Variants in ADAMTS19 observed in about 807,000 individuals in gnomAD.
ADAMTS19 encodes A disintegrin and metalloproteinase with thrombospondin motifs 19.
A neutral mutation model predicts 153.3 loss-of-function variants in ADAMTS19; 93 were observed. That is an observed-to-expected ratio of 0.61 (90% CI 0.51 to 0.72). ADAMTS19 has a LOEUF of 0.72. ADAMTS19 is among the 30% of genes least tolerant of loss of function. ADAMTS19 has a pLI of 0.00. For missense variants in ADAMTS19, 1,482 were observed against 1,552.1 expected (o/e 0.95, Z 0.76); for synonymous variants, 600 against 556.6 (o/e 1.08, Z -1.10).
intron 6 of ADAMTS19, among the ~76,000 whole-genome samples, chr5:129,545,731 C>G (rs866756031): frequency 6.7e-6 from 1 of 150,342 alleles, no homozygotes; most frequent in Non-Finnish European, 1.5e-5. Context: ...AAAAGTCAGG[C>G]AACAACAGGT....
intron 8 of ADAMTS19, among the ~76,000 whole-genome samples, chr5:129,603,035 AAG>A (rs1750735951): frequency 6.6e-6 from 1 of 152,092 alleles, no homozygotes; most frequent in Non-Finnish European, 1.5e-5. Context: ...CCCTCATTGA[AAG>A]AGTCTTGACG....
intron 2 of ADAMTS19, among the ~76,000 whole-genome samples, chr5:129,480,457 CAT>C (rs1202914472): frequency 1.3e-5 from 2 of 152,050 alleles, no homozygotes; most frequent in African/African-American, 4.8e-5. Flanking sequence ...GATATAAAAA[CAT>C]AATACAAAAA....
intron 7 of ADAMTS19, among the ~76,000 whole-genome samples, chr5:129,552,807 C>T (rs1561567657): frequency 6.6e-6 from 1 of 151,972 alleles, no homozygotes; most frequent in African/African-American, 2.4e-5. Context: ...TCAACCTCCT[C>T]ATATGTTTAA....
intron 1 of ADAMTS19, 130 bp downstream of exon 1, chr5:129,460,612 C>A: frequency 1.0e-6 from 1 of 1,001,302 alleles, no homozygotes; most frequent in Non-Finnish European, 1.5e-6. Flanking sequence ...TAAAAATGAG[C>A]TTGAGGTGCA....
chr5:129,663,641 T>A (rs1451397011), intron 15 of ADAMTS19, among the ~76,000 whole-genome samples: 1 of 152,162 alleles, frequency 6.6e-6, no homozygotes, highest in Non-Finnish European at 1.5e-5. Flanking sequence ...TCCCTTAGCC[T>A]CCACTACTCC....
chr5:129,651,532 C>T (rs40972), intron 13 of ADAMTS19, among the ~76,000 whole-genome samples: 24,997 of 152,072 alleles, frequency 0.16, 2,305 homozygotes, highest in East Asian at 0.3. Context: ...TACATCTGCT[C>T]TCTTATTTTT....
At chr5:129,632,364 T>TATAG (rs1752340227) in intron 10 of ADAMTS19, among the ~76,000 whole-genome samples, 1 of 151,766 alleles carries the variant, frequency 6.6e-6, no homozygotes, top group African/African-American at 2.4e-5. Context: ...TATATAGATA[T>TATAG]AGATATAATA....
chr5:129,608,138 A>ATT (rs1377750324), intron 8 of ADAMTS19, among the ~76,000 whole-genome samples: 3 of 136,712 alleles, frequency 2.2e-5, no homozygotes, highest in African/African-American at 7.9e-5. Context: ...ATATATATAT[A>ATT]TAATGGAACA....
chr5:129,588,628 A>T (rs568559055), intron 7 of ADAMTS19, among the ~76,000 whole-genome samples: 1 of 151,832 alleles, frequency 6.6e-6, no homozygotes, highest in South Asian at 2.1e-4. Context: ...ATACTATCAA[A>T]TACTTCTTAT....
chr5:129,525,503 T>C (rs1235272910), intron 3 of ADAMTS19, among the ~76,000 whole-genome samples: 1 of 152,088 alleles, frequency 6.6e-6, no homozygotes, highest in East Asian at 1.9e-4. Flanking sequence ...CTGTCATTGA[T>C]TTAGAATAGC....
chr5:129,572,226 A>C (rs890251116), intron 7 of ADAMTS19, among the ~76,000 whole-genome samples: 3 of 151,932 alleles, frequency 2.0e-5, no homozygotes, highest in Non-Finnish European at 4.4e-5. Context: ...AAAGATTTGC[A>C]AGTTGCATAT....
intron 8 of ADAMTS19, among the ~76,000 whole-genome samples, chr5:129,603,692 T>G (rs887790144): frequency 1.3e-5 from 2 of 152,150 alleles, no homozygotes; most frequent in African/African-American, 4.8e-5. Context: ...ATCTGGACAT[T>G]TATTGAAGTG....
At chr5:129,549,183 A>AAAATAAATAAAT (rs77046635) in intron 6 of ADAMTS19, among the ~76,000 whole-genome samples, 1 of 148,140 alleles carries the variant, frequency 6.8e-6, no homozygotes, top group African/African-American at 2.5e-5. Flanking sequence ...TAATAATAAT[A>AAAATAAATAAAT]AAATAAATAA....
At chr5:129,652,374 T>C (rs1031805289) in intron 13 of ADAMTS19, among the ~76,000 whole-genome samples, 1 of 152,210 alleles carries the variant, frequency 6.6e-6, no homozygotes, top group African/African-American at 2.4e-5. Flanking sequence ...CTAGGAGAAT[T>C]AAATGTGGGG....
At chr5:129,640,689 T>C (rs1193991846) in intron 10 of ADAMTS19, among the ~76,000 whole-genome samples, 2 of 152,088 alleles carry the variant, frequency 1.3e-5, no homozygotes, top group African/African-American at 4.8e-5. Flanking sequence ...ACCAGTCTGC[T>C]CACCTTTTCA....
chr5:129,723,914 G>T (rs1757104266), intron 21 of ADAMTS19, among the ~76,000 whole-genome samples: 1 of 152,162 alleles, frequency 6.6e-6, no homozygotes, highest in South Asian at 2.1e-4. Flanking sequence ...GGGGCTACCA[G>T]GTCATAGGTG....
rs546057069 is a variant in ADAMTS19, at chr5:129,479,615, G to A, written c.747+17858G>A. 7.9e-5 allele frequency among the ~76,000 whole-genome samples: 12 copies of A among 152,170 alleles called. No individual in the cohort carries two copies. The South Asian group carries it at 2.1e-3, about 26-fold the overall frequency. On this transcript the variant is annotated intron_variant, in intron 2 of 22. Transcript: ENST00000274487. The stretch of plus-strand genomic sequence containing the variant: ...AACGTGCGAGGTTTAGCAAGATGGC[G>A]GGATACAAGTTTCATGTACAAATAC...
At chr5:129,585,026 G>C (rs1749710380) in intron 7 of ADAMTS19, among the ~76,000 whole-genome samples, 1 of 152,184 alleles carries the variant, frequency 6.6e-6, no homozygotes, top group Non-Finnish European at 1.5e-5. Context: ...CCCTGGTGGT[G>C]CAGGCACCTG....
At chr5:129,496,773 C>G (rs1023399315) in intron 2 of ADAMTS19, among the ~76,000 whole-genome samples, 1 of 152,042 alleles carries the variant, frequency 6.6e-6, no homozygotes, top group Admixed American at 6.6e-5. Flanking sequence ...GTGACTAACC[C>G]TTTAACAACT....
Sources: gnomAD v4.1 joint callset for allele counts (sites outside exome capture counted in the v4.1 genomes callset) on GRCh38, gnomAD v4.1.1 for gene constraint, MANE v1.5 for transcripts, NCBI Gene and HGNC (gene_info 2026-07-23, HGNC 2026-07-21) for gene names.